Variants in NPHP4 observed in about 807,000 individuals in gnomAD.
The protein encoded by NPHP4 is nephrocystin 4.
Under a neutral mutation model 155.8 loss-of-function variants are expected in NPHP4, and 151 were observed. That is an observed-to-expected ratio of 0.97 (90% confidence interval 0.85 to 1.11). The LOEUF is 1.11. Among genes scored for constraint, NPHP4 ranks in the 50% least tolerant of loss-of-function variants. NPHP4 has a pLI of 0.00. For synonymous variants in NPHP4, 845 were observed against 816.8 expected (o/e 1.03, Z -0.59); for missense variants, 1,956 against 1,925.7 (o/e 1.02, Z -0.29).
intron 23 of NPHP4, 88 bp downstream of exon 23, chr1:5,873,164 T>C: frequency 8.3e-7 from 1 of 1,211,660 alleles, no homozygotes. Flanking sequence ...AGCCCTCCCC[T>C]CCAGGAGGGG....
At chr1:5,935,584 T>C (rs1221374349) in intron 9 of NPHP4, among the ~76,000 whole-genome samples, 1 of 152,182 alleles carries the variant, frequency 6.6e-6, no homozygotes, top group Admixed American at 6.5e-5. Context: ...TTTTTAAAAA[T>C]CAAATTACAG....
chr1:5,868,968 CAT>C (rs1418885124), intron 23 of NPHP4, among the ~76,000 whole-genome samples: 3 of 145,190 alleles, frequency 2.1e-5, no homozygotes, highest in African/African-American at 7.6e-5. Flanking sequence ...TGCACACACA[CAT>C]GCACACACAT....
intron 9 of NPHP4, among the ~76,000 whole-genome samples, chr1:5,945,840 G>A (rs1310556378): frequency 6.6e-6 from 1 of 152,160 alleles, no homozygotes; most frequent in Non-Finnish European, 1.5e-5. Context: ...AACTCCAGAA[G>A]AAAACAATCC....
chr1:5,984,264 TG>T (rs1655141496), intron 2 of NPHP4, among the ~76,000 whole-genome samples: 1 of 152,140 alleles, frequency 6.6e-6, no homozygotes, highest in South Asian at 2.1e-4. Flanking sequence ...GCCGGGCATG[TG>T]GCTACACCTG....
At chr1:5,907,706 G>GTGA (rs5772212) in intron 12 of NPHP4, among the ~76,000 whole-genome samples, 95,787 of 151,718 alleles carry the variant, frequency 0.63, 30,833 homozygotes, top group East Asian at 0.82. Flanking sequence ...TGGCATTACC[G>GTGA]TGGAGTGCCC....
chr1:5,969,190 T>G lies in NPHP4; in HGVS notation c.349A>C (p.Lys117Gln). 1 of 1,578,736 alleles carries G rather than the reference T, an allele frequency of 6.3e-7. No individual in the cohort carries two copies. Among genetic ancestry groups the G allele is most frequent in the Non-Finnish European group, 8.6e-7 (1 of 1,161,266 alleles). Residue 117 changes from lysine (K) to glutamine (Q), a missense_variant, in exon 4 of 30, where the codon AAG becomes CAG. Transcript: ENST00000378156. ...GTCTGGAGGCTCCCATCCCGTTTCT[T>G]GCCCTCAGCGACCACTTCCACCACA... ...VAVVEVVAEG[K>Q]KRDGSLQTLS...
At chr1:5,911,330 G>A (rs1402361749) in intron 11 of NPHP4, among the ~76,000 whole-genome samples, 1 of 152,180 alleles carries the variant, frequency 6.6e-6, no homozygotes, top group Non-Finnish European at 1.5e-5. Context: ...GCTCCACGCC[G>A]TTCCTCCGTA....
At chr1:5,893,637 G>A (rs28806898) in intron 16 of NPHP4, among the ~76,000 whole-genome samples, 3,086 of 152,326 alleles carry the variant, frequency 0.02, 42 homozygotes, top group South Asian at 0.026. Context: ...ACAGGGAGAC[G>A]GTTAGGCCTC....
Position 5,875,127 on chromosome 1 carries a change from A to G in NPHP4, c.2818-27T>C, listed in dbSNP as rs377570609. The G allele has an allele frequency of 1.4e-4, 209 of 1,540,670 alleles. No individual in the cohort carries two copies. The African/African-American group carries it at 2.5e-3, about 19-fold the overall frequency. On this transcript the variant is annotated intron_variant, in intron 20 of 29. Transcript: ENST00000378156. ...TGCAGACAAGAGGACATGGGTGGACAGGGTCCCAGGCACACTCTCCTCCAC... is the reference window on the plus strand; with the variant it reads ...TGCAGACAAGAGGACATGGGTGGACGGGGTCCCAGGCACACTCTCCTCCAC...
rs756678088 is a variant in NPHP4, at chr1:5,867,745, A to T, written c.3467T>A (p.Phe1156Tyr). Residue 1156 changes from phenylalanine to tyrosine, a missense_variant, in exon 24 of 30, where the codon TTT (phenylalanine) becomes TAT (tyrosine). Physicochemically the swap from Phe to Tyr is conservative, Grantham distance 22. Coordinates refer to ENST00000378156, the MANE Select transcript of NPHP4 (RefSeq NM_015102.5). The surrounding 1 kb of genome is among the most constrained non-coding windows in gnomAD (Gnocchi z 4.1). ...KAIRLPPWHT[F>Y]PGAPVGMLGE... is the part of the protein sequence containing the mutation. ...AGGGTCAGTGCAGGACCTGCCTGGAAATGTGTGCCAGGGCGGCAGGCGGAT... is the reference window on the plus strand; with the variant it reads ...AGGGTCAGTGCAGGACCTGCCTGGATATGTGTGCCAGGGCGGCAGGCGGAT... 5 of 1,609,762 alleles carry T rather than the reference A, an allele frequency of 3.1e-6. No individual in the cohort carries two copies. The highest frequency in any genetic ancestry group is 4.2e-6 in the Non-Finnish European group (5 of 1,179,802).
intron 9 of NPHP4, among the ~76,000 whole-genome samples, chr1:5,936,232 G>T (rs1440230124): frequency 6.6e-6 from 1 of 152,142 alleles, no homozygotes; most frequent in African/African-American, 2.4e-5. Context: ...AATCTGTGTA[G>T]CCAATTATTG....
chr1:5,922,361 A>G (rs1327324047), intron 11 of NPHP4, among the ~76,000 whole-genome samples: 2 of 152,182 alleles, frequency 1.3e-5, no homozygotes, highest in African/African-American at 4.8e-5. Context: ...AGAAACTAAT[A>G]TATTCCTTCT....
At chr1:5,973,871 G>A (rs1443316473) in intron 3 of NPHP4, among the ~76,000 whole-genome samples, 1 of 152,218 alleles carries the variant, frequency 6.6e-6, no homozygotes, top group African/African-American at 2.4e-5. Flanking sequence ...TGGCCTCCTA[G>A]AGCCATAGAG....
rs115869141 is a variant in NPHP4, at chr1:5,864,435, C to A, written c.3899G>T (p.Ser1300Ile). The change falls in exon 28 of 30, where the codon AGC becomes ATC. Residue 1300 changes from serine to isoleucine, a missense_variant. Transcript: ENST00000378156. ...CACCAGGTTGAGATGGACAAAGCGG[C>A]TGCCGGCCCTAAGGGGCCTCACGCC... is the stretch of plus-strand genomic sequence containing the variant. ...HVGVRPLRAG[S>I]RFVHLNLVDV... 6.2e-7 allele frequency: 1 copy of A among 1,609,102 alleles called. No individual in the cohort carries two copies. Among genetic ancestry groups the A allele is most frequent in the Non-Finnish European group, 8.5e-7 (1 of 1,178,116 alleles).
intron 23 of NPHP4, among the ~76,000 whole-genome samples, chr1:5,869,247 A>ACC (rs1190114665): frequency 1.5e-3 from 199 of 135,124 alleles, no homozygotes; most frequent in African/African-American, 4.6e-3. Context: ...ACACACACAC[A>ACC]CACACATGCA....
chr1:5,962,788 C>T (rs549038341), intron 5 of NPHP4, among the ~76,000 whole-genome samples: 4 of 152,232 alleles, frequency 2.6e-5, no homozygotes, highest in Non-Finnish European at 4.4e-5. Flanking sequence ...GCGGCTACAC[C>T]GCAGGGCGGG....
chr1:5,899,953 C>T (rs537629762), intron 16 of NPHP4, among the ~76,000 whole-genome samples: 41 of 152,318 alleles, frequency 2.7e-4, no homozygotes, highest in African/African-American at 8.9e-4. Context: ...CAAATAAGCA[C>T]ATGAGAAGAT....
chr1:5,905,444 C>CA lies in NPHP4; in HGVS notation c.1802dup (p.Gln602AlafsTer13), dbSNP rs1250323738. ...GAATCTCGGGAAAGCCGGAGGACTGCAGGAGCACCATGGAGGCTCTCGAGG... is the reference window on the plus strand; with the variant it reads ...GAATCTCGGGAAAGCCGGAGGACTGCAAGGAGCACCATGGAGGCTCTCGAGG... On this transcript the variant is annotated frameshift_variant, in exon 15 of 30. Coordinates refer to ENST00000378156, the MANE Select transcript of NPHP4 (RefSeq NM_015102.5). LOFTEE classifies it high-confidence loss of function. The surrounding 1 kb of genome is among the most constrained non-coding windows in gnomAD (Gnocchi z 4.0). 1 of 1,610,190 alleles carries CA rather than the reference C, an allele frequency of 6.2e-7. No homozygotes were observed. The highest frequency in any genetic ancestry group is 1.1e-5 in the South Asian group (1 of 91,024).
In NPHP4 at chr1:5,905,590, C is replaced by A. The variant is rs373909586; in HGVS notation, c.1763+42G>T. 1 of 1,611,988 alleles carries A rather than the reference C, an allele frequency of 6.2e-7. No homozygotes were observed. The highest frequency in any genetic ancestry group is 1.3e-5 in the African/African-American group (1 of 75,014). On this transcript the variant is annotated intron_variant, in intron 14 of 29. Transcript: ENST00000378156. This position sits in a 1 kb window ranked among gnomAD's most constrained non-coding sequence, Gnocchi z 4.0. ...CACAAGGTCCAACAGTCTGACGGCA[C>A]AGCACGTGACTGGTTCCATCCCACC... is the stretch of plus-strand genomic sequence containing the variant.
Sources: gnomAD v4.1 joint callset for allele counts (sites outside exome capture counted in the v4.1 genomes callset) on GRCh38, gnomAD v4.1.1 for gene constraint, Gnocchi (gnomAD v3.1) non-coding constraint, MANE v1.5 for transcripts, NCBI Gene and HGNC (gene_info 2026-07-23, HGNC 2026-07-21) for gene names.